Variants in OSBPL11 observed in about 807,000 individuals in gnomAD.
The protein encoded by OSBPL11 is oxysterol-binding protein-related protein 11.
OSBPL11 carries 33 observed loss-of-function variants against 84.4 expected under a neutral mutation model. The observed-to-expected ratio is 0.39, with a 90% CI of 0.30 to 0.52. The LOEUF is 0.52. Among genes scored for constraint, OSBPL11 ranks in the 20% least tolerant of loss-of-function variants. The pLI, the probability that OSBPL11 is intolerant of heterozygous loss-of-function variation, is 0.72. For synonymous variants in OSBPL11, 276 were observed against 310.2 expected (o/e 0.89, Z 1.16); for missense variants, 736 against 901.1 (o/e 0.82, Z 2.35).
chr3:125,558,805 G>A (rs1284422334), intron 8 of OSBPL11, among the ~76,000 whole-genome samples: 1 of 152,184 alleles, frequency 6.6e-6, no homozygotes. Flanking sequence ...ACAGATTAGT[G>A]CTTCTCAAAC....
intron 10 of OSBPL11, among the ~76,000 whole-genome samples, chr3:125,540,958 T>TA (rs1935721636): frequency 6.6e-6 from 1 of 152,324 alleles, no homozygotes; most frequent in African/African-American, 2.4e-5. Context: ...CAGTGTAAGG[T>TA]AATCATCACA....
chr3:125,563,720 G>A lies in OSBPL11; in HGVS notation c.992C>T (p.Ala331Val). Reference protein sequence around the residue: ...PVAVPEEQPVAESGLLAREPE... With the variant: ...PVAVPEEQPVVESGLLAREPE... ...TACCCTCGCTAATAGTCCAGATTCTGCAACAGGCTGCTCTTCTGGGACTGC... is the reference window on the plus strand; with the variant it reads ...TACCCTCGCTAATAGTCCAGATTCTACAACAGGCTGCTCTTCTGGGACTGC... Residue 331 changes from alanine (A) to valine (V), a missense_variant, in exon 7 of 13, where the codon GCA becomes GTA. Ala to Val is a moderately conservative substitution (Grantham distance 64). Transcript: ENST00000296220. The A allele has an allele frequency of 6.2e-7, 1 of 1,614,102 alleles. No homozygotes were observed. The highest frequency in any genetic ancestry group is 8.5e-7 in the Non-Finnish European group (1 of 1,180,010).
At chr3:125,593,569 G>A (rs988669150) in intron 1 of OSBPL11, among the ~76,000 whole-genome samples, 1 of 150,484 alleles carries the variant, frequency 6.6e-6, no homozygotes, top group African/African-American at 2.5e-5. Flanking sequence ...GTAGTGAGCC[G>A]AGATCGCGCC....
intron 7 of OSBPL11, among the ~76,000 whole-genome samples, chr3:125,562,866 C>T (rs544566120): frequency 9.9e-5 from 15 of 151,994 alleles, no homozygotes; most frequent in South Asian, 4.1e-4. Context: ...GCGGAGGTTG[C>T]GGTGAGCTGA....
chr3:125,562,494 T>C (rs1936093162), intron 7 of OSBPL11, among the ~76,000 whole-genome samples: 1 of 152,232 alleles, frequency 6.6e-6, no homozygotes, highest in Admixed American at 6.5e-5. Context: ...CCAAAACTTT[T>C]GCCAACTTTG....
chr3:125,581,695 CAAAAA>C (rs1189619626), intron 2 of OSBPL11, among the ~76,000 whole-genome samples: 35 of 63,822 alleles, frequency 5.5e-4, no homozygotes, highest in Admixed American at 1.9e-3. Context: ...GACTCCATCT[CAAAAA>C]AAAAAAAAAA....
intron 3 of OSBPL11, 138 bp from the exon 4 acceptor site, chr3:125,579,177 A>G: frequency 2.0e-6 from 1 of 510,830 alleles, no homozygotes; most frequent in East Asian, 3.4e-5. Context: ...GACTGGAGGG[A>G]GGCAGGAAAG....
intron 9 of OSBPL11, among the ~76,000 whole-genome samples, chr3:125,551,250 A>G: frequency 6.6e-6 from 1 of 151,362 alleles, no homozygotes. Flanking sequence ...TGCAGTCATT[A>G]AAATATGTTT....
intron 11 of OSBPL11, among the ~76,000 whole-genome samples, chr3:125,533,769 C>T (rs1000294875): frequency 6.6e-6 from 1 of 152,110 alleles, no homozygotes; most frequent in African/African-American, 2.4e-5. Flanking sequence ...AATGAAGTAA[C>T]AACTTGCAGA....
chr3:125,542,595 G>A (rs1190733681), intron 10 of OSBPL11, among the ~76,000 whole-genome samples: 1 of 149,134 alleles, frequency 6.7e-6, no homozygotes, highest in Non-Finnish European at 1.5e-5. Flanking sequence ...TGCAAGCCCC[G>A]CCTCCCAGGT....
chr3:125,590,268 G>A (rs1479178344), intron 1 of OSBPL11, among the ~76,000 whole-genome samples: 1 of 152,032 alleles, frequency 6.6e-6, no homozygotes, highest in Non-Finnish European at 1.5e-5. Flanking sequence ...TTTTCAAAAG[G>A]GCCAGGCACG....
At chr3:125,570,355 A>G (rs908641982) in intron 5 of OSBPL11, among the ~76,000 whole-genome samples, 1 of 150,834 alleles carries the variant, frequency 6.6e-6, no homozygotes, top group Non-Finnish European at 1.5e-5. Context: ...AGAAAGAAAG[A>G]AAAAAGAAAA....
At chr3:125,539,012 T>G (rs1172203740) in intron 10 of OSBPL11, among the ~76,000 whole-genome samples, 1 of 151,948 alleles carries the variant, frequency 6.6e-6, no homozygotes, top group Admixed American at 6.6e-5. Context: ...TTTAACTTTT[T>G]TTTACTAGTT....
intron 8 of OSBPL11, among the ~76,000 whole-genome samples, chr3:125,559,915 A>T: frequency 6.6e-6 from 1 of 152,102 alleles, no homozygotes; most frequent in Middle Eastern, 3.4e-3. Context: ...AAAATAAAAA[A>T]TACTGATCAG....
chr3:125,571,691 T>C (rs561297660), intron 5 of OSBPL11, among the ~76,000 whole-genome samples: 2 of 152,322 alleles, frequency 1.3e-5, no homozygotes, highest in African/African-American at 4.8e-5. Context: ...AGCTTCCATG[T>C]GGTGTTGAGC....
At chr3:125,538,999 CTATT>C (rs1935682812) in intron 10 of OSBPL11, among the ~76,000 whole-genome samples, 1 of 151,876 alleles carries the variant, frequency 6.6e-6, no homozygotes, top group African/African-American at 2.4e-5. Context: ...ACATTACAAT[CTATT>C]TAACTTTTTT....
chr3:125,554,370 A>G (rs1480070094), intron 8 of OSBPL11, among the ~76,000 whole-genome samples: 1 of 152,344 alleles, frequency 6.6e-6, no homozygotes, highest in East Asian at 1.9e-4. Context: ...GTATGAGATG[A>G]AAAAATTTTT....
At chr3:125,552,095 T>A in intron 9 of OSBPL11, 86 bp downstream of exon 9, 1 of 826,076 alleles carries the variant, frequency 1.2e-6, no homozygotes, top group Non-Finnish European at 1.6e-6. Context: ...TAAAGTAAAC[T>A]TTCATTCCTG....
At chr3:125,572,704 T>C (rs1412588480) in intron 5 of OSBPL11, among the ~76,000 whole-genome samples, 1 of 151,828 alleles carries the variant, frequency 6.6e-6, no homozygotes. Flanking sequence ...TTGTGAGGCC[T>C]CTCCATTCAT....
Sources: allele counts gnomAD v4.1 joint callset (sites outside exome capture counted in the v4.1 genomes callset), GRCh38; gene constraint gnomAD v4.1.1; transcripts MANE v1.5; gene names NCBI Gene and HGNC (gene_info 2026-07-23, HGNC 2026-07-21).